The following HTT variants were observed in gnomAD, a reference collection of about 807,000 sequenced individuals.
HTT encodes the protein huntingtin, also known as huntington disease protein.
A neutral mutation model predicts 362.3 loss-of-function variants in HTT; 104 were observed. That is an observed-to-expected ratio of 0.29 (90% CI 0.24 to 0.34). The LOEUF (loss-of-function observed/expected upper bound fraction) is 0.34, where lower values mean the gene tolerates loss of function less well. HTT is among the 10% of genes least tolerant of loss of function. The pLI, the probability that HTT is intolerant of heterozygous loss-of-function variation, is 1.00. For synonymous variants in HTT, 1,577 were observed against 1,548.7 expected (o/e 1.02, Z -0.43); for missense variants, 3,301 against 3,928.6 (o/e 0.84, Z 4.27).
rs1720182870 is a variant in HTT at position 3,212,052 on chromosome 4, G to A, written c.6538G>A (p.Val2180Met). ...GACTCTGGCCCGTGTGAGCGGCACC[G>A]TGCAGCAGCTCCCTGCTGTCCATCA... ...EVTLARVSGT[V>M]QQLPAVHHVF... Residue 2180 changes from valine (V) to methionine (M), a missense_variant, in exon 48 of 67, where the codon GTG becomes ATG. By Grantham distance (21) the Val-to-Met change is conservative. Coordinates refer to ENST00000355072, the MANE Select transcript of HTT (RefSeq NM_001388492.1). 3.7e-6 allele frequency: 6 copies of A among 1,614,202 alleles called. No individual in the cohort carries two copies. The highest frequency in any genetic ancestry group is 1.3e-5 in the African/African-American group (1 of 75,046).
At position 3,228,264 on chromosome 4, in the gene HTT, G is replaced by C. The variant is rs1721016116; in HGVS notation, c.7849-351G>C. Among the ~76,000 whole-genome samples the C allele has an allele frequency of 6.6e-6, 1 of 152,226 alleles. No individual in the cohort carries two copies. The highest frequency in any genetic ancestry group is 2.4e-5 in the African/African-American group (1 of 41,450). On this transcript the variant is annotated intron_variant, in intron 57 of 66. Transcript: ENST00000355072. The surrounding 1 kb of genome is among the most constrained non-coding windows in gnomAD (Gnocchi z 4.3). ...CTGCCAGTGCGGGAGACTGGAAAAG[G>C]AATCTCACGTATTGGTTCCGTGTTT...
chr4:3,205,976 T>TCATC, intron 42 of HTT, among the ~76,000 whole-genome samples: 1 of 152,324 alleles, frequency 6.6e-6, no homozygotes, highest in East Asian at 1.9e-4. Context: ...ATATGTGGGA[T>TCATC]CCATTCATAT....
intron 37 of HTT, among the ~76,000 whole-genome samples, chr4:3,184,936 A>G (rs1472700271): frequency 1.3e-5 from 2 of 152,100 alleles, no homozygotes; most frequent in Non-Finnish European, 1.5e-5. Flanking sequence ...CCTAAAGCCA[A>G]GATTTTTTTT....
intron 40 of HTT, among the ~76,000 whole-genome samples, chr4:3,190,583 A>G (rs1422975494): frequency 6.6e-6 from 1 of 151,598 alleles, no homozygotes; most frequent in Non-Finnish European, 1.5e-5. Flanking sequence ...TAAAAAAATA[A>G]AAAAAAATAG....
rs77625499 is a variant in HTT, at chr4:3,225,865, T to TA, written c.7848+131dup. 94 of 651,458 alleles carry TA rather than the reference T, an allele frequency of 1.4e-4. No individual in the cohort carries two copies. In the Middle Eastern group the frequency reaches 1.8e-3, roughly 13 times the overall value. 40.4% of individuals were successfully genotyped at this position (651,458 alleles called of 1,614,324 possible). On this transcript the variant is annotated intron_variant, in intron 57 of 66. Transcript: ENST00000355072. ...AATGAAAGGAAGTTTTCCTTTTTTT[T>TA]AAAAAAAAATTTAATGTTCATTGTT...
chr4:3,198,702 A>G (rs1267214102), intron 40 of HTT, among the ~76,000 whole-genome samples: 6 of 152,156 alleles, frequency 3.9e-5, no homozygotes, highest in Non-Finnish European at 8.8e-5. Flanking sequence ...TGTTTATCCA[A>G]AGGAGAGGAT....
chr4:3,161,977 T>A (rs1311314275), intron 29 of HTT, among the ~76,000 whole-genome samples: 2 of 152,252 alleles, frequency 1.3e-5, no homozygotes, highest in Non-Finnish European at 2.9e-5. Context: ...TTTTGGTGTT[T>A]TAGACATGAA....
At chr4:3,212,320 A>G (rs767774665) in intron 48 of HTT, among the ~76,000 whole-genome samples, 178 bp downstream of exon 48, 19 of 152,230 alleles carry the variant, frequency 1.2e-4, no homozygotes, top group Non-Finnish European at 2.4e-4. Context: ...TGTGTTTGCC[A>G]CTTTGCCATT....
chr4:3,207,196 C>A, intron 44 of HTT, 85 bp from the exon 45 acceptor site: 2 of 1,204,488 alleles, frequency 1.7e-6, no homozygotes, highest in Non-Finnish European at 2.4e-6. Context: ...GAACTGTACA[C>A]ATCAGTTCAT....
chr4:3,208,766 AT>A lies in HTT; in HGVS notation c.6153-3del. 6.3e-7 allele frequency: 1 copy of A among 1,577,210 alleles called. No homozygotes were observed. The highest frequency in any genetic ancestry group is 8.6e-7 in the Non-Finnish European group (1 of 1,166,210). On this transcript the variant is annotated splice_polypyrimidine_tract_variant and splice_region_variant and intron_variant, in intron 45 of 66. Coordinates refer to ENST00000355072, the MANE Select transcript of HTT (RefSeq NM_001388492.1). ...ATACTGTAATTTCATTTTTATTTGT[AT>A]TTTAGACACCAAAGGCTCTATTCCC...
At position 3,134,511 on chromosome 4, in the gene HTT, T is replaced by G. The variant is rs1281386943; in HGVS notation, c.2604T>G (p.Leu868=). 1 of 1,614,084 alleles carries G rather than the reference T, an allele frequency of 6.2e-7. No individual in the cohort carries two copies. The highest frequency in any genetic ancestry group is 8.5e-7 in the Non-Finnish European group (1 of 1,179,950). ...CCTATTGGCTGGTGAGGACAGAGCT[T>G]CTGGAAACCCTTGCAGAGATTGACT... is the stretch of plus-strand genomic sequence containing the variant. ...NSSYWLVRTE[L]LETLAEIDFR... The change falls in exon 19 of 67, where the codon CTT becomes CTG. Residue 868 remains leucine (L), a synonymous_variant. Transcript: ENST00000355072.
At chr4:3,100,053 G>A (rs1451698520) in intron 3 of HTT, among the ~76,000 whole-genome samples, 2 of 152,174 alleles carry the variant, frequency 1.3e-5, no homozygotes, top group African/African-American at 4.8e-5. Context: ...GTGCCTGCAC[G>A]GTGCCTAGGT....
intron 48 of HTT, 124 bp from the exon 49 acceptor site, chr4:3,212,440 A>G (rs971078032): frequency 7.2e-6 from 9 of 1,243,726 alleles, no homozygotes; most frequent in South Asian, 5.5e-5. Context: ...GGATGTGTAG[A>G]TGTGCCACTG....
intron 21 of HTT, 127 bp from the exon 22 acceptor site, chr4:3,140,382 AG>A (rs1716284354): frequency 2.8e-6 from 2 of 704,186 alleles, no homozygotes; most frequent in South Asian, 1.9e-5. Flanking sequence ...CACCTGAGAA[AG>A]GGGGCGAGAA....
At chr4:3,220,083 G>A in intron 52 of HTT, 99 bp from the exon 53 acceptor site, 1 of 1,351,592 alleles carries the variant, frequency 7.4e-7, no homozygotes, top group Non-Finnish European at 1.0e-6. Context: ...GGGGTAGTGA[G>A]GAGGGAGCCC....
intron 25 of HTT, 89 bp downstream of exon 25, chr4:3,147,037 A>C (rs1716637502): frequency 7.8e-7 from 1 of 1,279,004 alleles, no homozygotes; most frequent in Non-Finnish European, 1.1e-6. Context: ...TGAGGGGAAA[A>C]TACTATAAGG....
chr4:3,181,667 A>G (rs1718531686), intron 36 of HTT, among the ~76,000 whole-genome samples: 1 of 152,174 alleles, frequency 6.6e-6, no homozygotes, highest in African/African-American at 2.4e-5. Flanking sequence ...GAACCCCTGT[A>G]GTATTTAATT....
intron 35 of HTT, among the ~76,000 whole-genome samples, chr4:3,179,381 A>C (rs143633299): frequency 7.2e-5 from 11 of 152,324 alleles, no homozygotes; most frequent in African/African-American, 2.6e-4. Flanking sequence ...AACCACACCC[A>C]GTACTTTGTG....
chr4:3,152,987 C>G (rs1716974252), intron 26 of HTT, among the ~76,000 whole-genome samples: 1 of 152,116 alleles, frequency 6.6e-6, no homozygotes, highest in East Asian at 1.9e-4. Flanking sequence ...TTCCCTGATG[C>G]CTTCCAGTCC....
Sources: gnomAD v4.1 joint callset for allele counts (sites outside exome capture counted in the v4.1 genomes callset) on GRCh38, gnomAD v4.1.1 for gene constraint, Gnocchi (gnomAD v3.1) non-coding constraint, MANE v1.5 for transcripts, NCBI Gene and HGNC (gene_info 2026-07-23, HGNC 2026-07-21) for gene names.